Variants in HDAC9 observed in about 807,000 individuals in gnomAD.
HDAC9 encodes the protein MEF-2 interacting transcription repressor (MITR) protein.
In HDAC9, 41 loss-of-function variants were observed where a neutral mutation model predicts 139.4. The ratio of observed to expected loss-of-function variants is 0.29; its 90% CI spans 0.23 to 0.38. HDAC9 has a LOEUF of 0.38. Among genes scored for constraint, HDAC9 ranks in the 10% least tolerant of loss-of-function variants. The pLI is 1.00. For missense variants in HDAC9, 1,147 were observed against 1,297.0 expected, an observed-to-expected ratio of 0.88 and a Z score of 1.78; for synonymous variants, 517 against 476.2, an observed-to-expected ratio of 1.09 and a Z score of -1.12.
chr7:18,984,355 G>A (rs1282926461), intron 25 of HDAC9, among the ~76,000 whole-genome samples: 5 of 151,940 alleles, frequency 3.3e-5, no homozygotes, highest in Non-Finnish European at 7.4e-5. Context: ...AAGCTGGCTG[G>A]GTAGAAAGGG....
At chr7:18,946,165 G>A (rs559050422) in intron 23 of HDAC9, among the ~76,000 whole-genome samples, 22 of 142,340 alleles carry the variant, frequency 1.5e-4, no homozygotes, top group South Asian at 1.4e-3. Context: ...CTCTTTTTAT[G>A]TGATATTATC....
chr7:18,252,877 C>T (rs968146488), intron 2 of HDAC9, among the ~76,000 whole-genome samples: 5 of 152,132 alleles, frequency 3.3e-5, no homozygotes, highest in Admixed American at 2.6e-4. Context: ...AGGTATTAAG[C>T]CTAGTCCCCA....
At chr7:18,871,085 AAGAG>A (rs1178121666) in intron 21 of HDAC9, among the ~76,000 whole-genome samples, 3 of 152,172 alleles carry the variant, frequency 2.0e-5, no homozygotes, top group Non-Finnish European at 4.4e-5. Flanking sequence ...TTCTGTAAGA[AAGAG>A]CTGTTTTCTC....
At chr7:18,451,417 G>T (rs919609911) in intron 1 of HDAC9, among the ~76,000 whole-genome samples, 1 of 150,328 alleles carries the variant, frequency 6.7e-6, no homozygotes, top group Non-Finnish European at 1.5e-5. Context: ...ATGTGTGTGT[G>T]TGTGTATATA....
intron 1 of HDAC9, among the ~76,000 whole-genome samples, chr7:18,427,053 T>C (rs559135085): frequency 6.6e-6 from 1 of 152,312 alleles, no homozygotes; most frequent in Non-Finnish European, 1.5e-5. Context: ...CTGTAGGAGC[T>C]CAACTCTTTG....
At chr7:18,853,104 C>G (rs144290769) in intron 21 of HDAC9, among the ~76,000 whole-genome samples, 1 of 152,000 alleles carries the variant, frequency 6.6e-6, no homozygotes, top group African/African-American at 2.4e-5. Flanking sequence ...GGCCTGGCTC[C>G]GACTTTCCAC....
At chr7:18,774,959 G>A (rs1024283928) in intron 16 of HDAC9, among the ~76,000 whole-genome samples, 2 of 151,970 alleles carry the variant, frequency 1.3e-5, no homozygotes, top group African/African-American at 4.8e-5. Context: ...TGAGAGACGT[G>A]CAACTCTTCC....
At chr7:18,529,982 A>G (rs1808319690) in intron 2 of HDAC9, among the ~76,000 whole-genome samples, 1 of 152,124 alleles carries the variant, frequency 6.6e-6, no homozygotes, top group Non-Finnish European at 1.5e-5. Flanking sequence ...AGAATGGAAT[A>G]ATTACAGGTC....
chr7:18,613,108 A>G (rs1837620054), intron 6 of HDAC9, among the ~76,000 whole-genome samples: 1 of 148,084 alleles, frequency 6.8e-6, no homozygotes, highest in Non-Finnish European at 1.5e-5. Flanking sequence ...ATATATAAAT[A>G]TATATAAGTA....
chr7:18,553,783 C>G (rs879657508), intron 2 of HDAC9, among the ~76,000 whole-genome samples: 1 of 152,184 alleles, frequency 6.6e-6, no homozygotes, highest in Non-Finnish European at 1.5e-5. Flanking sequence ...CTACGAGCAT[C>G]CTACAGCCCC....
At chr7:18,093,088 G>C (rs1363043242) in intron 1 of HDAC9, among the ~76,000 whole-genome samples, 1 of 152,154 alleles carries the variant, frequency 6.6e-6, no homozygotes, top group Non-Finnish European at 1.5e-5. Flanking sequence ...CTATGTAGTG[G>C]GTTGGGGACT....
At chr7:18,098,231 T>C (rs1456535189) in intron 1 of HDAC9, among the ~76,000 whole-genome samples, 2 of 152,212 alleles carry the variant, frequency 1.3e-5, no homozygotes, top group Non-Finnish European at 2.9e-5. Context: ...GGCTGAGATC[T>C]TTATGCAATT....
chr7:18,957,166 A>ATT (rs1477192542), intron 24 of HDAC9, among the ~76,000 whole-genome samples: 1 of 152,148 alleles, frequency 6.6e-6, no homozygotes, highest in African/African-American at 2.4e-5. Flanking sequence ...ATCTCTCACC[A>ATT]TTTGAGAAGT....
intron 17 of HDAC9, among the ~76,000 whole-genome samples, chr7:18,794,809 A>G (rs540061065): frequency 6.6e-6 from 1 of 152,326 alleles, no homozygotes; most frequent in African/African-American, 2.4e-5. Context: ...AAAGAATCCA[A>G]ATGGCAGAAA....
chr7:18,519,196 T>A (rs892992145), intron 2 of HDAC9, among the ~76,000 whole-genome samples: 5 of 152,218 alleles, frequency 3.3e-5, no homozygotes, highest in African/African-American at 1.2e-4. Flanking sequence ...TTATGTGATG[T>A]CATCACAACT....
At chr7:18,335,622 T>C (rs12666612) in intron 1 of HDAC9, among the ~76,000 whole-genome samples, 13,130 of 151,638 alleles carry the variant, frequency 0.087, 728 homozygotes, top group East Asian at 0.18. Flanking sequence ...AAAAGATTAA[T>C]GGGGAAAGTA....
chr7:18,936,062 GA>G (rs1464282877), intron 23 of HDAC9, 120 bp downstream of exon 23: 4 of 933,398 alleles, frequency 4.3e-6, no homozygotes, highest in Non-Finnish European at 6.4e-6. Context: ...TTACCATTAA[GA>G]AAGAAGGTAA....
chr7:18,119,719 C>T (rs1206848255), intron 1 of HDAC9, among the ~76,000 whole-genome samples: 1 of 152,140 alleles, frequency 6.6e-6, no homozygotes, highest in African/African-American at 2.4e-5. Context: ...ATCTGTTGGA[C>T]TGAAAGTAAG....
intron 22 of HDAC9, among the ~76,000 whole-genome samples, chr7:18,914,525 A>G (rs539870232): frequency 6.6e-6 from 1 of 152,126 alleles, no homozygotes; most frequent in Non-Finnish European, 1.5e-5. Flanking sequence ...GGGGTACATA[A>G]TGCCTTTGTT....
Sources: gnomAD v4.1 joint callset for allele counts (sites outside exome capture counted in the v4.1 genomes callset) on GRCh38, gnomAD v4.1.1 for gene constraint, MANE v1.5 for transcripts, NCBI Gene and HGNC (gene_info 2026-07-23, HGNC 2026-07-21) for gene names.